MPP7: variants seen among roughly 807,000 people sequenced by gnomAD.
The protein encoded by MPP7 is MAGUK p55 scaffold protein 7.
In MPP7, 60 loss-of-function variants were observed where a neutral mutation model predicts 76.5. That is an observed-to-expected ratio of 0.78 (90% CI 0.64 to 0.97). The LOEUF (loss-of-function observed/expected upper bound fraction) is 0.97, where lower values mean the gene tolerates loss of function less well. Ranked by LOEUF, MPP7 falls within the 50% of genes least tolerant of loss-of-function variation. The pLI, the probability that MPP7 is intolerant of heterozygous loss-of-function variation, is 0.00. For synonymous variants in MPP7, 237 were observed against 244.5 expected, an observed-to-expected ratio of 0.97 and a Z score of 0.29; for missense variants, 641 against 694.0, an observed-to-expected ratio of 0.92 and a Z score of 0.86.
At chr10:28,144,521 G>A (rs979234962) in intron 5 of MPP7, among the ~76,000 whole-genome samples, 10 of 152,064 alleles carry the variant, frequency 6.6e-5, no homozygotes, top group Admixed American at 5.2e-4. Flanking sequence ...GCCACTGTTC[G>A]CCCGTTCTGA....
chr10:28,155,727 GA>G (rs1446403522), intron 3 of MPP7, among the ~76,000 whole-genome samples: 4 of 152,074 alleles, frequency 2.6e-5, no homozygotes, highest in Admixed American at 2.0e-4. Context: ...ACGAGGAACA[GA>G]AAACCTGTTA....
rs181443010 is a variant in MPP7 at position 28,274,799 on chromosome 10, C to T, written c.-132+28062G>A. Among the ~76,000 whole-genome samples the T allele has an allele frequency of 3.3e-5, 5 of 152,280 alleles. No individual in the cohort carries two copies. The East Asian group carries it at 9.7e-4, about 29-fold the overall frequency. ...ATAAACTCTTCATCACCATCCCTTC[C>T]TCTGGCTTTTTTTTATATGCCATCA... On this transcript the variant is annotated intron_variant, in intron 1 of 16. Coordinates refer to ENST00000683449, the MANE Select transcript of MPP7 (RefSeq NM_001318170.2).
intron 2 of MPP7, among the ~76,000 whole-genome samples, chr10:28,209,518 T>C (rs1332142661): frequency 6.6e-6 from 1 of 151,626 alleles, no homozygotes; most frequent in Admixed American, 6.6e-5. Flanking sequence ...GGGAGAGGAA[T>C]ATTGTCTTTC....
rs573901035 is a variant in MPP7 at position 28,167,053 on chromosome 10, G to A, written c.157-16994C>T. ...GGGCCGGGCATGGTAGCTCATGCCT[G>A]TAATCCCAGCACTTTAGGAGGCCAA... On this transcript the variant is annotated intron_variant, in intron 3 of 16. Transcript: ENST00000683449. Among the ~76,000 whole-genome samples the A allele has an allele frequency of 3.5e-3, 528 of 152,204 alleles. 4 individuals are homozygous for A. Among genetic ancestry groups the A allele is most frequent in the African/African-American group, 0.012 (510 of 41,538 alleles).
intron 3 of MPP7, among the ~76,000 whole-genome samples, chr10:28,178,505 G>GA (rs1050094281): frequency 2.0e-5 from 3 of 151,756 alleles, no homozygotes; most frequent in African/African-American, 7.3e-5. Context: ...GAGGAGAATT[G>GA]AAAATGAAAC....
chr10:28,284,280 C>T (rs1228395479), intron 1 of MPP7, among the ~76,000 whole-genome samples: 1 of 152,174 alleles, frequency 6.6e-6, no homozygotes, highest in Non-Finnish European at 1.5e-5. Context: ...AGGAGGGGTA[C>T]ACAAATGTAC....
At chr10:28,147,694 G>T in intron 4 of MPP7, 131 bp from the exon 5 acceptor site, 1 of 749,752 alleles carries the variant, frequency 1.3e-6, no homozygotes, top group Non-Finnish European at 2.3e-6. Flanking sequence ...CAGCATAAAA[G>T]AAAACAGATC....
At chr10:28,065,230 A>C (rs944995234) in intron 13 of MPP7, among the ~76,000 whole-genome samples, 4 of 152,206 alleles carry the variant, frequency 2.6e-5, no homozygotes, top group Admixed American at 2.6e-4. Context: ...TGGTTGAAAG[A>C]TCACTTCCCT....
At position 28,166,424 on chromosome 10, in the gene MPP7, T is replaced by TG. The variant is rs1554844611; in HGVS notation, c.157-16366dup. On this transcript the variant is annotated intron_variant, in intron 3 of 16. Coordinates refer to ENST00000683449, the MANE Select transcript of MPP7 (RefSeq NM_001318170.2). Reference sequence around the variant, plus strand: ...AATTTTTTTTTTTTTTTTTTTTTTTTGGGACAGAGTTCTGGTCTTGTTGCT... The same window carrying TG: ...AATTTTTTTTTTTTTTTTTTTTTTTTGGGGACAGAGTTCTGGTCTTGTTGCT... Among the ~76,000 whole-genome samples the TG allele has an allele frequency of 3.6e-4, 46 of 129,518 alleles. 1 individual carries two copies. The highest frequency in any genetic ancestry group is 3.7e-3 in the Middle Eastern group (1 of 270). 85.0% of individuals were successfully genotyped at this position (129,518 alleles called of 152,430 possible). A position where few individuals can be genotyped will look rare whatever the true frequency, so the allele number is the denominator to read the frequency against.
intron 12 of MPP7, among the ~76,000 whole-genome samples, chr10:28,084,736 T>C (rs2133423730): frequency 6.6e-6 from 1 of 152,264 alleles, no homozygotes; most frequent in Non-Finnish European, 1.5e-5. Context: ...GGAAGACTTA[T>C]CCCAGGTTGA....
rs1838636562 is a variant in MPP7, at chr10:28,224,864, A to G, written c.37+13704T>C. Reference sequence around the variant, plus strand: ...AGAATTAGATTTTGTTTATCAAAAAAATAAAAATAAAAATTTTTTAATTCT... The same window carrying G: ...AGAATTAGATTTTGTTTATCAAAAAGATAAAAATAAAAATTTTTTAATTCT... On this transcript the variant is annotated intron_variant, in intron 2 of 16. Transcript: ENST00000683449. Among the ~76,000 whole-genome samples the G allele has an allele frequency of 2.0e-5, 3 of 152,176 alleles. 1 individual carries two copies. The South Asian group carries it at 6.2e-4, about 31-fold the overall frequency.
intron 1 of MPP7, among the ~76,000 whole-genome samples, chr10:28,289,725 G>C (rs1308826219): frequency 6.6e-6 from 1 of 152,148 alleles, no homozygotes; most frequent in Non-Finnish European, 1.5e-5. Flanking sequence ...TGGAGAAAAG[G>C]TTTTAGGGGC....
At chr10:28,220,498 T>A (rs1302037256) in intron 2 of MPP7, among the ~76,000 whole-genome samples, 2 of 152,208 alleles carry the variant, frequency 1.3e-5, no homozygotes, top group Non-Finnish European at 2.9e-5. Context: ...ATAGGACTTA[T>A]CTCAAGCATA....
intron 3 of MPP7, among the ~76,000 whole-genome samples, chr10:28,189,114 T>G (rs1280372567): frequency 6.6e-6 from 1 of 152,190 alleles, no homozygotes; most frequent in Non-Finnish European, 1.5e-5. Context: ...AGATAACTGT[T>G]CAGAGTAATA....
chr10:28,329,586 G>A (rs546609454), intron 2 of MPP7, among the ~76,000 whole-genome samples: 13 of 142,338 alleles, frequency 9.1e-5, no homozygotes, highest in African/African-American at 2.4e-4. Context: ...CTGAGAGATC[G>A]CGCCACTGCA....
intron 11 of MPP7, among the ~76,000 whole-genome samples, chr10:28,100,593 G>A (rs1853777672): frequency 1.3e-5 from 2 of 152,064 alleles, no homozygotes; most frequent in African/African-American, 4.8e-5. Context: ...TAGATAAAGG[G>A]GAAAAAGGCT....
intron 2 of MPP7, among the ~76,000 whole-genome samples, chr10:28,202,482 C>G (rs556580893): frequency 4.6e-5 from 7 of 152,166 alleles, no homozygotes; most frequent in African/African-American, 1.7e-4. Flanking sequence ...TCATTTTTAC[C>G]TCTCACAGTT....
intron 2 of MPP7, among the ~76,000 whole-genome samples, chr10:28,325,414 G>A (rs969909008): frequency 2.2e-4 from 33 of 152,058 alleles, no homozygotes; most frequent in African/African-American, 7.2e-4. Context: ...ACTTTGGAAG[G>A]CAGAGGCAGG....
intron 1 of MPP7, among the ~76,000 whole-genome samples, chr10:28,263,898 G>T (rs535585312): frequency 4.6e-5 from 7 of 152,348 alleles, no homozygotes; most frequent in African/African-American, 1.4e-4. Context: ...TGGGAGTCAG[G>T]TAGGGAAAGC....
Sources: gnomAD v4.1 joint callset for allele counts (sites outside exome capture counted in the v4.1 genomes callset) on GRCh38, gnomAD v4.1.1 for gene constraint, MANE v1.5 for transcripts, NCBI Gene and HGNC (gene_info 2026-07-23, HGNC 2026-07-21) for gene names.